Variants in STXBP5L observed in about 807,000 individuals in gnomAD.
STXBP5L encodes the protein syntaxin-binding protein 5-like.
In STXBP5L, 65 loss-of-function variants were observed where a neutral mutation model predicts 144.5. That is an observed-to-expected ratio of 0.45 (90% CI 0.37 to 0.55). STXBP5L has a LOEUF of 0.55. Among genes scored for constraint, STXBP5L ranks in the 20% least tolerant of loss-of-function variants. STXBP5L has a pLI of 0.00. For missense variants in STXBP5L, 1,298 were observed against 1,405.5 expected, an observed-to-expected ratio of 0.92 and a Z score of 1.22; for synonymous variants, 505 against 469.6, an observed-to-expected ratio of 1.08 and a Z score of -0.97.
At chr3:121,068,517 T>C (rs531232583) in intron 5 of STXBP5L, among the ~76,000 whole-genome samples, 1 of 152,274 alleles carries the variant, frequency 6.6e-6, no homozygotes, top group East Asian at 1.9e-4. Context: ...AATAACTCTT[T>C]TTGAGGATTT....
chr3:121,250,335 T>G (rs1324863458), intron 14 of STXBP5L, among the ~76,000 whole-genome samples: 1 of 152,048 alleles, frequency 6.6e-6, no homozygotes, highest in African/African-American at 2.4e-5. Context: ...ATTTTGAAAC[T>G]TAACTGAATT....
chr3:121,071,122 A>G lies in STXBP5L; in HGVS notation c.470+25587A>G, dbSNP rs543328643. ...GTGATGACAGACATCCTGGTCCCCA[A>G]TTATAACCATAGGTGAAAGTGTCGG... On this transcript the variant is annotated intron_variant, in intron 5 of 26. Transcript: ENST00000471454. Among the ~76,000 whole-genome samples, 197 of 152,302 alleles carry G rather than the reference A, an allele frequency of 1.3e-3. 2 individuals carry two copies. The highest frequency in any genetic ancestry group is 0.01 in the Middle Eastern group (3 of 294).
At chr3:121,070,927 A>T (rs545084691) in intron 5 of STXBP5L, among the ~76,000 whole-genome samples, 57 of 152,202 alleles carry the variant, frequency 3.7e-4, no homozygotes, top group Admixed American at 8.5e-4. Flanking sequence ...GTCATAGGGC[A>T]AGAACTCTGG....
intron 3 of STXBP5L, among the ~76,000 whole-genome samples, chr3:121,021,383 C>A (rs1322100487): frequency 6.6e-6 from 1 of 152,048 alleles, no homozygotes; most frequent in Non-Finnish European, 1.5e-5. Flanking sequence ...AACAAAGAAA[C>A]AATGGACTTA....
intron 3 of STXBP5L, among the ~76,000 whole-genome samples, chr3:121,030,794 T>C (rs1946313299): frequency 6.6e-6 from 1 of 152,086 alleles, no homozygotes; most frequent in Non-Finnish European, 1.5e-5. Context: ...TTTTGATGCA[T>C]GATAAAGCTT....
At chr3:121,320,256 T>C (rs1010801534) in intron 20 of STXBP5L, among the ~76,000 whole-genome samples, 9 of 152,156 alleles carry the variant, frequency 5.9e-5, no homozygotes, top group African/African-American at 1.7e-4. Context: ...TTTGTGTTTG[T>C]TTTTTTCCTA....
At chr3:120,976,970 T>C (rs1332233353) in intron 3 of STXBP5L, among the ~76,000 whole-genome samples, 1 of 152,078 alleles carries the variant, frequency 6.6e-6, no homozygotes, top group Non-Finnish European at 1.5e-5. Context: ...TCCAACTATG[T>C]GGTCAATTTT....
rs2047355038 is a variant in STXBP5L at position 121,421,642 on chromosome 3, G to A, written c.*2545G>A. 1 of 152,140 alleles carries A rather than the reference G, an allele frequency of 6.6e-6. No individual in the cohort carries two copies. Among genetic ancestry groups the A allele is most frequent in the African/African-American group, 2.4e-5 (1 of 41,446 alleles). The allele number at this position is 152,140 out of a possible 1,614,324, so 9.4% of individuals were successfully genotyped here. On this transcript the variant is annotated 3_prime_UTR_variant, in exon 27 of 27. Transcript: ENST00000471454. The stretch of plus-strand genomic sequence containing the variant: ...TATTATACCCAAAATTACATGTGTG[G>A]TTCATATGCAATAAGATACAATTTT...
chr3:121,195,010 C>T (rs1026602794), intron 9 of STXBP5L, among the ~76,000 whole-genome samples: 17 of 148,048 alleles, frequency 1.1e-4, no homozygotes, highest in African/African-American at 3.2e-4. Context: ...CCGCCTCCTA[C>T]GTTCAAGTGA....
At chr3:120,926,284 T>C (rs1446097857) in intron 2 of STXBP5L, among the ~76,000 whole-genome samples, 1 of 151,978 alleles carries the variant, frequency 6.6e-6, no homozygotes, top group African/African-American at 2.4e-5. Context: ...TTTGTTTCTC[T>C]GGGAAAGACT....
Position 121,334,577 on chromosome 3 carries a change from A to G in STXBP5L, c.2176+16037A>G, listed in dbSNP as rs187865889. ...GGGACAATAGCCTTGATGGTCATTG[A>G]TGCAAAAATCTCAAAAAAATACGTG... On this transcript the variant is annotated intron_variant, in intron 20 of 26. Coordinates refer to ENST00000471454, the MANE Select transcript of STXBP5L (RefSeq NM_001308330.2). 9.7e-4 allele frequency among the ~76,000 whole-genome samples: 147 copies of G among 150,992 alleles called. 1 individual carries two copies. Among genetic ancestry groups the G allele is most frequent in the Non-Finnish European group, 1.8e-3 (124 of 67,358 alleles).
intron 20 of STXBP5L, among the ~76,000 whole-genome samples, chr3:121,344,633 A>G (rs2044875785): frequency 6.6e-6 from 1 of 152,114 alleles, no homozygotes; most frequent in South Asian, 2.1e-4. Flanking sequence ...CAAATACAAT[A>G]GTGTAATTTT....
intron 5 of STXBP5L, among the ~76,000 whole-genome samples, chr3:121,064,429 A>G (rs776236093): frequency 6.6e-6 from 1 of 152,230 alleles, no homozygotes; most frequent in Non-Finnish European, 1.5e-5. Context: ...CCATCTTGCC[A>G]GCCGCTCTTG....
chr3:121,016,821 G>T (rs1276018973), intron 3 of STXBP5L, among the ~76,000 whole-genome samples: 1 of 152,102 alleles, frequency 6.6e-6, no homozygotes, highest in Non-Finnish European at 1.5e-5. Flanking sequence ...AAAGCACCAG[G>T]CCCACATGTG....
Position 121,051,039 on chromosome 3 carries a change from C to A in STXBP5L, c.470+5504C>A, listed in dbSNP as rs577454259. Among the ~76,000 whole-genome samples, 688 of 152,288 alleles carry A rather than the reference C, an allele frequency of 4.5e-3. 4 individuals are homozygous for A. Among genetic ancestry groups the A allele is most frequent in the African/African-American group, 0.016 (656 of 41,550 alleles). On this transcript the variant is annotated intron_variant, in intron 5 of 26. Transcript: ENST00000471454. ...CAATTCAACAAGAAGAGCTAACTAT[C>A]CTAAATATATATGCACCCAATACAG... is the stretch of plus-strand genomic sequence containing the variant.
intron 17 of STXBP5L, among the ~76,000 whole-genome samples, chr3:121,257,679 C>T (rs2050252803): frequency 6.6e-6 from 1 of 152,156 alleles, no homozygotes; most frequent in African/African-American, 2.4e-5. Context: ...ATTCCCAACA[C>T]TTTGGGAGGC....
In STXBP5L at chr3:121,424,261, G is replaced by A. The variant is rs549393159; in HGVS notation, c.*5164G>A. On this transcript the variant is annotated 3_prime_UTR_variant, in exon 27 of 27. Transcript: ENST00000471454. ...GTTATCTCAATCAAAAGCTCCCAGG[G>A]CCACTTGGATTTATTTTCTTAGTCT... 1 of 152,176 alleles carries A rather than the reference G, an allele frequency of 6.6e-6. No homozygotes were observed. Among genetic ancestry groups the A allele is most frequent in the African/African-American group, 2.4e-5 (1 of 41,522 alleles). 9.4% of individuals were successfully genotyped at this position (152,176 alleles called of 1,614,324 possible).
At chr3:121,266,614 A>T (rs2050575496) in intron 18 of STXBP5L, among the ~76,000 whole-genome samples, 1 of 152,206 alleles carries the variant, frequency 6.6e-6, no homozygotes, top group Non-Finnish European at 1.5e-5. Context: ...TTAATATTGG[A>T]AGTTCTGGCC....
intron 3 of STXBP5L, among the ~76,000 whole-genome samples, chr3:120,990,689 A>T (rs185699993): frequency 6.6e-6 from 1 of 152,212 alleles, no homozygotes; most frequent in Non-Finnish European, 1.5e-5. Context: ...ATTTACAACT[A>T]TCTGATCTTT....
Sources: gnomAD v4.1 joint callset for allele counts (sites outside exome capture counted in the v4.1 genomes callset) on GRCh38, gnomAD v4.1.1 for gene constraint, MANE v1.5 for transcripts, NCBI Gene and HGNC (gene_info 2026-07-23, HGNC 2026-07-21) for gene names.